Variants in AFG2A observed in about 807,000 individuals in gnomAD.
The protein encoded by AFG2A is ATPase family gene 2 protein homolog A.
the AFG2A span, among the ~76,000 whole-genome samples, chr4:122,965,312 G>A: frequency 2.2e-4 from 34 of 152,114 alleles, no homozygotes; most frequent in Admixed American, 8.5e-4. Context: ...ATAAACATGG[G>A]GACAAGATGA....
the AFG2A span, among the ~76,000 whole-genome samples, chr4:123,045,074 T>A: frequency 6.6e-6 from 1 of 152,152 alleles, no homozygotes; most frequent in Non-Finnish European, 1.5e-5. Context: ...TTACGATACC[T>A]GTTTTTAAGA....
chr4:122,934,889 C>T, the AFG2A span: 2 of 948,440 alleles, frequency 2.1e-6, no homozygotes, highest in Non-Finnish European at 3.0e-6. Context: ...TGGGAGATGC[C>T]AGTTAAATGG....
chr4:123,302,597 TG>T, the AFG2A span, among the ~76,000 whole-genome samples: 1 of 151,384 alleles, frequency 6.6e-6, no homozygotes, highest in Non-Finnish European at 1.5e-5. Flanking sequence ...TTTTTGGAGT[TG>T]ATCGGTAGGT....
the AFG2A span, among the ~76,000 whole-genome samples, chr4:123,264,761 C>A: frequency 1.8e-4 from 28 of 152,048 alleles, no homozygotes; most frequent in Non-Finnish European, 4.0e-4. Flanking sequence ...ATGAGTTTAG[C>A]CAAATCATTT....
the AFG2A span, among the ~76,000 whole-genome samples, chr4:123,092,350 T>C: frequency 3.9e-5 from 6 of 152,236 alleles, no homozygotes; most frequent in South Asian, 1.2e-3. Context: ...CTGTGGTTAA[T>C]AAGCTCTAAA....
At chr4:123,242,981 C>G in the AFG2A span, among the ~76,000 whole-genome samples, 3 of 152,112 alleles carry the variant, frequency 2.0e-5, no homozygotes, top group African/African-American at 2.4e-5. Flanking sequence ...ATGCAGCCAA[C>G]AGACACATGA....
chr4:122,933,546 A>G, the AFG2A span: 2 of 1,496,910 alleles, frequency 1.3e-6, no homozygotes, highest in Non-Finnish European at 1.9e-6. Flanking sequence ...GCTGCAAGGC[A>G]TCAGCAAATA....
chr4:123,216,185 A>G, the AFG2A span, among the ~76,000 whole-genome samples: 66 of 152,286 alleles, frequency 4.3e-4, no homozygotes, highest in African/African-American at 1.3e-3. Flanking sequence ...TTTTTCTTGA[A>G]TGTTTCTAGG....
the AFG2A span, among the ~76,000 whole-genome samples, chr4:123,073,238 C>G: frequency 6.6e-6 from 1 of 151,280 alleles, no homozygotes; most frequent in African/African-American, 2.4e-5. Context: ...TTTCTTCTTT[C>G]ACTTAAGGAA....
At chr4:123,079,398 A>G in the AFG2A span, among the ~76,000 whole-genome samples, 2 of 152,174 alleles carry the variant, frequency 1.3e-5, no homozygotes, top group South Asian at 2.1e-4. Context: ...TAAGGATAGG[A>G]TCTGACATTA....
chr4:123,222,890 A>G, the AFG2A span, among the ~76,000 whole-genome samples: 200 of 152,346 alleles, frequency 1.3e-3, no homozygotes, highest in Non-Finnish European at 1.5e-3. Context: ...AAGACTGAAT[A>G]ATATACCATC....
the AFG2A span, among the ~76,000 whole-genome samples, chr4:123,157,060 G>C: frequency 0.029 from 4,384 of 151,708 alleles, 85 homozygotes; most frequent in Non-Finnish European, 0.036. Flanking sequence ...CTGTTGCTCA[G>C]GCTGGAGTGC....
the AFG2A span, among the ~76,000 whole-genome samples, chr4:123,259,568 A>G: frequency 1.3e-5 from 2 of 152,184 alleles, no homozygotes; most frequent in South Asian, 2.1e-4. Context: ...AACATGTGCC[A>G]TTTAAAAGCA....
the AFG2A span, chr4:122,979,310 C>T: frequency 6.2e-7 from 1 of 1,614,198 alleles, no homozygotes; most frequent in Non-Finnish European, 8.5e-7. Flanking sequence ...GTGAAGATTA[C>T]TCTGAAGGAT....
the AFG2A span, among the ~76,000 whole-genome samples, chr4:123,160,271 A>C: frequency 6.6e-6 from 1 of 152,132 alleles, no homozygotes; most frequent in Non-Finnish European, 1.5e-5. Context: ...ATAATAATTC[A>C]CTTGGGGTGG....
At chr4:122,927,804 A>ATT in the AFG2A span, 1 of 1,599,160 alleles carries the variant, frequency 6.3e-7, no homozygotes, top group South Asian at 1.2e-5. Flanking sequence ...CAAACTGAAC[A>ATT]TTGCAAATCC....
the AFG2A span, among the ~76,000 whole-genome samples, chr4:123,043,921 C>T: frequency 6.6e-6 from 1 of 152,178 alleles, no homozygotes; most frequent in Non-Finnish European, 1.5e-5. Flanking sequence ...GGAAAGTCAA[C>T]AGGCAAAATA....
chr4:123,123,203 G>T, the AFG2A span, among the ~76,000 whole-genome samples: 1 of 152,072 alleles, frequency 6.6e-6, no homozygotes, highest in Non-Finnish European at 1.5e-5. Flanking sequence ...AACCAACACT[G>T]GTAGTCAAAT....
the AFG2A span, among the ~76,000 whole-genome samples, chr4:123,003,149 G>A: frequency 6.6e-6 from 1 of 152,194 alleles, no homozygotes; most frequent in Non-Finnish European, 1.5e-5. Context: ...TTGGCTTTCA[G>A]CTTCATCAGC....
Sources: allele counts gnomAD v4.1 joint callset (sites outside exome capture counted in the v4.1 genomes callset), GRCh38; gene constraint gnomAD v4.1.1; transcripts MANE v1.5; gene names NCBI Gene and HGNC (gene_info 2026-07-23, HGNC 2026-07-21).